DGKB: variants seen among roughly 807,000 people sequenced by gnomAD.
DGKB encodes 90 kDa diacylglycerol kinase.
Under a neutral mutation model 114.3 loss-of-function variants are expected in DGKB, and 67 were observed. The observed-to-expected ratio is 0.59, with a 90% CI of 0.48 to 0.72. The LOEUF is 0.72. Ranked by LOEUF, DGKB falls within the 30% of genes least tolerant of loss-of-function variation. The pLI, the probability that DGKB is intolerant of heterozygous loss-of-function variation, is 0.00. For synonymous variants in DGKB, 398 were observed against 323.1 expected, an observed-to-expected ratio of 1.23 and a Z score of -2.49; for missense variants, 907 against 975.2, an observed-to-expected ratio of 0.93 and a Z score of 0.93.
At chr7:14,666,314 CAATTT>C (rs553266966) in intron 13 of DGKB, among the ~76,000 whole-genome samples, 293 of 151,906 alleles carry the variant, frequency 1.9e-3, no homozygotes, top group African/African-American at 6.4e-3. Context: ...TGCTGAAGCC[CAATTT>C]AATTTAAGAG....
chr7:14,944,258 G>A (rs187707345), intron 1 of DGKB, among the ~76,000 whole-genome samples: 2 of 151,924 alleles, frequency 1.3e-5, no homozygotes, highest in East Asian at 3.9e-4. Context: ...GTAAACGATA[G>A]ATCCAGGAAT....
At chr7:14,894,395 T>C (rs1277000670) in intron 1 of DGKB, among the ~76,000 whole-genome samples, 2 of 151,364 alleles carry the variant, frequency 1.3e-5, no homozygotes, top group Non-Finnish European at 3.0e-5. Flanking sequence ...TGCTCCATGG[T>C]GATAAGACAC....
At chr7:14,289,430 T>C (rs372708994) in intron 23 of DGKB, among the ~76,000 whole-genome samples, 19 of 152,298 alleles carry the variant, frequency 1.2e-4, no homozygotes, top group Admixed American at 3.9e-4. Flanking sequence ...ATAACATATT[T>C]GCTGAGTATA....
chr7:14,649,337 T>A (rs180724085), intron 13 of DGKB, among the ~76,000 whole-genome samples: 2 of 151,546 alleles, frequency 1.3e-5, no homozygotes, highest in African/African-American at 2.4e-5. Flanking sequence ...TGGGGACCAA[T>A]ATTCAACATT....
intron 20 of DGKB, among the ~76,000 whole-genome samples, chr7:14,522,035 G>A (rs1331435543): frequency 6.6e-6 from 1 of 151,980 alleles, no homozygotes; most frequent in Non-Finnish European, 1.5e-5. Context: ...TTATTTTTAA[G>A]CTTTGCGTCC....
chr7:14,704,759 C>A (rs1825886532), intron 6 of DGKB, among the ~76,000 whole-genome samples: 2 of 152,114 alleles, frequency 1.3e-5, no homozygotes, highest in Non-Finnish European at 2.9e-5. Context: ...GCTGAGGGTC[C>A]TGTCTGTTAG....
Position 14,503,365 on chromosome 7 carries a change from GGAGATGGTCATTT to G in DGKB, c.1771-25153_1771-25141del, listed in dbSNP as rs139637222. ...CCTGCCTATCACATTTTCCCAAAGA[GGAGATGGTCATTT>G]GAACAGACTGCTTTCTCTCTTCTAT... On this transcript the variant is annotated intron_variant, in intron 20 of 25. Coordinates refer to ENST00000402815, the MANE Select transcript of DGKB (RefSeq NM_001350709.2). 8.1e-3 allele frequency among the ~76,000 whole-genome samples: 1,226 copies of G among 152,188 alleles called. 9 individuals carry two copies. The highest frequency in any genetic ancestry group is 0.013 in the Non-Finnish European group (859 of 67,976).
chr7:14,606,599 TAAA>T (rs1334962099), intron 17 of DGKB, among the ~76,000 whole-genome samples: 13 of 148,602 alleles, frequency 8.7e-5, no homozygotes, highest in African/African-American at 3.2e-4. Flanking sequence ...GCCTTTTTTT[TAAA>T]AAAAAAAAAT....
At chr7:14,922,823 A>G (rs1784574763) in intron 1 of DGKB, among the ~76,000 whole-genome samples, 1 of 151,682 alleles carries the variant, frequency 6.6e-6, no homozygotes, top group African/African-American at 2.4e-5. Flanking sequence ...GCTAAACACC[A>G]TACCCATCAC....
At chr7:14,772,199 G>A (rs539826772) in intron 2 of DGKB, among the ~76,000 whole-genome samples, 1 of 152,064 alleles carries the variant, frequency 6.6e-6, no homozygotes. Context: ...CCTCCTGAGG[G>A]CTGTGTCAAG....
intron 6 of DGKB, among the ~76,000 whole-genome samples, chr7:14,710,889 A>G (rs115857451): frequency 6.6e-6 from 1 of 152,108 alleles, no homozygotes; most frequent in African/African-American, 2.4e-5. Context: ...CTTTACATAT[A>G]TAACTGTACT....
intron 23 of DGKB, among the ~76,000 whole-genome samples, chr7:14,225,003 C>T (rs1356664417): frequency 1.3e-5 from 2 of 151,978 alleles, no homozygotes; most frequent in Non-Finnish European, 2.9e-5. Context: ...TTCCTAGTTG[C>T]CTCTATTCGT....
intron 23 of DGKB, among the ~76,000 whole-genome samples, chr7:14,304,815 A>G (rs145617744): frequency 1.7e-3 from 265 of 152,272 alleles, no homozygotes; most frequent in African/African-American, 6.1e-3. Flanking sequence ...AATGAAAACT[A>G]TTAAGGAGTT....
intron 23 of DGKB, among the ~76,000 whole-genome samples, chr7:14,215,870 AATTT>A (rs1347052690): frequency 2.6e-5 from 4 of 152,212 alleles, no homozygotes; most frequent in Non-Finnish European, 5.9e-5. Context: ...ACATTAAAAA[AATTT>A]ATTTATACAA....
intron 20 of DGKB, among the ~76,000 whole-genome samples, chr7:14,552,254 T>C (rs866924000): frequency 5.3e-5 from 8 of 152,270 alleles, no homozygotes; most frequent in Admixed American, 1.3e-4. Context: ...TCCACTATAA[T>C]GTCTATGTCA....
chr7:14,739,074 C>T (rs1487845340), intron 4 of DGKB, among the ~76,000 whole-genome samples: 4 of 152,166 alleles, frequency 2.6e-5, no homozygotes, highest in African/African-American at 7.2e-5. Context: ...GAACCCATGT[C>T]GATGCTCATT....
chr7:14,555,090 C>T (rs939921304), intron 20 of DGKB, among the ~76,000 whole-genome samples: 4 of 151,930 alleles, frequency 2.6e-5, no homozygotes, highest in East Asian at 1.9e-4. Flanking sequence ...GTATTGCTTC[C>T]ATTTGTATTT....
intron 21 of DGKB, among the ~76,000 whole-genome samples, chr7:14,392,357 G>A (rs1004737827): frequency 6.6e-6 from 1 of 152,154 alleles, no homozygotes; most frequent in African/African-American, 2.4e-5. Flanking sequence ...AAAAGGTAGT[G>A]AGAATCTAGT....
chr7:14,386,600 A>G (rs1337767666), intron 21 of DGKB, among the ~76,000 whole-genome samples: 1 of 152,224 alleles, frequency 6.6e-6, no homozygotes, highest in Non-Finnish European at 1.5e-5. Context: ...GCAAGAGATA[A>G]GTGAGTAAGA....
Sources: allele counts gnomAD v4.1 joint callset (sites outside exome capture counted in the v4.1 genomes callset), GRCh38; gene constraint gnomAD v4.1.1; transcripts MANE v1.5; gene names NCBI Gene and HGNC (gene_info 2026-07-23, HGNC 2026-07-21).